TYW1: variants seen among roughly 807,000 people sequenced by gnomAD.
TYW1 encodes tRNA-yW synthesizing protein 1 homolog.
A neutral mutation model predicts 96.2 loss-of-function variants in TYW1; 46 were observed. The ratio of observed to expected loss-of-function variants is 0.48; its 90% CI spans 0.38 to 0.61. TYW1 has a LOEUF of 0.61. Among genes scored for constraint, TYW1 ranks in the 20% least tolerant of loss-of-function variants. The pLI is 0.00. For missense variants in TYW1, 684 were observed against 909.6 expected, an observed-to-expected ratio of 0.75 and a Z score of 3.19; for synonymous variants, 274 against 323.0, an observed-to-expected ratio of 0.85 and a Z score of 1.63.
intron 7 of TYW1, among the ~76,000 whole-genome samples, chr7:67,047,595 A>G (rs1361461924): frequency 6.6e-6 from 1 of 150,916 alleles, no homozygotes; most frequent in Non-Finnish European, 1.5e-5. Context: ...GATTATATTT[A>G]GTAATTTGGA....
chr7:67,093,875 TA>T (rs200048341), intron 11 of TYW1, among the ~76,000 whole-genome samples: 4,762 of 151,996 alleles, frequency 0.031, 239 homozygotes, highest in African/African-American at 0.11. Flanking sequence ...TATTTTGTAT[TA>T]GGGGTACATG....
At chr7:67,227,384 G>A (rs1180970425) in intron 15 of TYW1, among the ~76,000 whole-genome samples, 1 of 152,124 alleles carries the variant, frequency 6.6e-6, no homozygotes, top group Non-Finnish European at 1.5e-5. Context: ...AGCCTCCTAC[G>A]TAGCTGGGAT....
At position 67,137,443 on chromosome 7, in the gene TYW1, T is replaced by C. The variant is rs535039844; in HGVS notation, c.1698+19825T>C. On this transcript the variant is annotated intron_variant, in intron 13 of 15. Coordinates refer to ENST00000359626, the MANE Select transcript of TYW1 (RefSeq NM_018264.4). ...CTAGCCTAGGCAACATGGCAAGACC[T>C]CATCTCTTTAAAAAAAATAAATAAA... 7.9e-5 allele frequency among the ~76,000 whole-genome samples: 12 copies of C among 151,972 alleles called. No individual in the cohort carries two copies. The South Asian group carries it at 2.3e-3, about 29-fold the overall frequency.
chr7:67,077,320 A>G (rs893858270), intron 10 of TYW1, among the ~76,000 whole-genome samples: 8 of 152,324 alleles, frequency 5.3e-5, no homozygotes, highest in African/African-American at 1.9e-4. Context: ...AGGAATCTCC[A>G]TATTGTTTTC....
At chr7:67,171,710 A>G (rs1799519112) in intron 13 of TYW1, among the ~76,000 whole-genome samples, 1 of 152,084 alleles carries the variant, frequency 6.6e-6, no homozygotes, top group African/African-American at 2.4e-5. Flanking sequence ...TTTTGGGTGA[A>G]TTGGCCTTTT....
At chr7:67,077,335 A>G (rs551803760) in intron 10 of TYW1, among the ~76,000 whole-genome samples, 2 of 152,232 alleles carry the variant, frequency 1.3e-5, no homozygotes, top group Admixed American at 6.5e-5. Context: ...GTTTTCCATA[A>G]TGACTGTGGT....
chr7:67,142,156 C>T (rs1390366337), intron 13 of TYW1, among the ~76,000 whole-genome samples: 4 of 152,128 alleles, frequency 2.6e-5, no homozygotes, highest in Non-Finnish European at 5.9e-5. Context: ...AGTGCAGTGG[C>T]ACAATCATGG....
chr7:67,108,762 G>A (rs1179123662), intron 12 of TYW1, among the ~76,000 whole-genome samples: 2 of 151,936 alleles, frequency 1.3e-5, no homozygotes, highest in Non-Finnish European at 2.9e-5. Context: ...TTCTTTTCAA[G>A]AGCACAGAAC....
chr7:67,198,846 T>C (rs549028320), intron 15 of TYW1, among the ~76,000 whole-genome samples: 1 of 152,274 alleles, frequency 6.6e-6, no homozygotes, highest in East Asian at 1.9e-4. Context: ...TCCTTTGTCT[T>C]TTATGATGTT....
intron 12 of TYW1, among the ~76,000 whole-genome samples, chr7:67,101,003 C>G (rs1040027813): frequency 6.6e-6 from 1 of 152,080 alleles, no homozygotes; most frequent in Non-Finnish European, 1.5e-5. Flanking sequence ...TTCAAGGATT[C>G]AGGGCGGGTG....
intron 13 of TYW1, among the ~76,000 whole-genome samples, chr7:67,158,763 G>C (rs553734988): frequency 6.6e-6 from 1 of 151,910 alleles, no homozygotes; most frequent in African/African-American, 2.4e-5. Context: ...GAAGAGACGG[G>C]GGTTTCACTG....
intron 13 of TYW1, among the ~76,000 whole-genome samples, chr7:67,159,532 A>T (rs1799090176): frequency 6.6e-6 from 1 of 152,146 alleles, no homozygotes; most frequent in Non-Finnish European, 1.5e-5. Flanking sequence ...ACTAAGGTGT[A>T]TAAAAAGTGT....
intron 12 of TYW1, among the ~76,000 whole-genome samples, chr7:67,113,187 T>C (rs112429853): frequency 0.27 from 41,082 of 151,164 alleles, 6,306 homozygotes; most frequent in African/African-American, 0.42. Flanking sequence ...CACTCCTCCA[T>C]TTATACCCAT....
At position 67,205,041 on chromosome 7, in the gene TYW1, G is replaced by T. The variant is rs1257654271; in HGVS notation, c.1977+9704G>T. Among the ~76,000 whole-genome samples, 5 of 152,250 alleles carry T rather than the reference G, an allele frequency of 3.3e-5. 1 individual carries two copies. Among genetic ancestry groups the T allele is most frequent in the African/African-American group, 1.2e-4 (5 of 41,556 alleles). On this transcript the variant is annotated intron_variant, in intron 15 of 15. Coordinates refer to ENST00000359626, the MANE Select transcript of TYW1 (RefSeq NM_018264.4). ...CAAGTTGAGATTTTCCTGTTTCTTG[G>T]TATGATAAGTGATTTTCAGTTGTTT... is the stretch of plus-strand genomic sequence containing the variant.
chr7:67,182,932 T>C (rs1237342629), intron 13 of TYW1, among the ~76,000 whole-genome samples, 194 bp from the exon 14 acceptor site: 2 of 151,484 alleles, frequency 1.3e-5, no homozygotes, highest in Non-Finnish European at 2.9e-5. Context: ...TCATGTGCCT[T>C]CCATAAGGCA....
chr7:67,212,681 G>GT (rs915500859), intron 15 of TYW1, among the ~76,000 whole-genome samples: 13 of 146,052 alleles, frequency 8.9e-5, no homozygotes, highest in South Asian at 2.2e-4. Flanking sequence ...GTTTTTTTTT[G>GT]TTTTTTTTGA....
At chr7:67,121,801 G>C (rs1351537121) in intron 13 of TYW1, among the ~76,000 whole-genome samples, 1 of 150,994 alleles carries the variant, frequency 6.6e-6, no homozygotes, top group Non-Finnish European at 1.5e-5. Context: ...AGCATATTTT[G>C]TTTTTAACTC....
chr7:67,141,732 G>A (rs6460329), intron 13 of TYW1, among the ~76,000 whole-genome samples: 39,526 of 152,042 alleles, frequency 0.26, 5,623 homozygotes, highest in African/African-American at 0.38. Flanking sequence ...CTTCCTAATT[G>A]GAATTAAATG....
Position 67,074,673 on chromosome 7 carries a change from G to A in TYW1, c.1274+7270G>A, listed in dbSNP as rs184945525. On this transcript the variant is annotated intron_variant, in intron 10 of 15. Transcript: ENST00000359626. ...AGGTTCATTAAAAATTGATTTAAAT[G>A]TTACATAAATGCTTTTATTATTGTC... 5.3e-5 allele frequency among the ~76,000 whole-genome samples: 8 copies of A among 152,276 alleles called. No individual in the cohort carries two copies. In the East Asian group the frequency reaches 1.5e-3, roughly 29 times the overall value.
Sources: gnomAD v4.1 joint callset for allele counts (sites outside exome capture counted in the v4.1 genomes callset) on GRCh38, gnomAD v4.1.1 for gene constraint, MANE v1.5 for transcripts, NCBI Gene and HGNC (gene_info 2026-07-23, HGNC 2026-07-21) for gene names.